Variants in SSUH2 observed in about 807,000 individuals in gnomAD.
The protein encoded by SSUH2 is protein SSUH2 homolog.
Under a neutral mutation model 55.3 loss-of-function variants are expected in SSUH2, and 47 were observed. The observed-to-expected ratio is 0.85, with a 90% CI of 0.67 to 1.08. The LOEUF is 1.08. Among genes scored for constraint, SSUH2 ranks in the 50% least tolerant of loss-of-function variants. The pLI is 0.00. For missense variants in SSUH2, 535 were observed against 490.7 expected, an observed-to-expected ratio of 1.09 and a Z score of -0.85; for synonymous variants, 212 against 191.5, an observed-to-expected ratio of 1.11 and a Z score of -0.89.
chr3:8,624,291 G>A (rs1331186909), intron 10 of SSUH2, among the ~76,000 whole-genome samples: 1 of 152,214 alleles, frequency 6.6e-6, no homozygotes, highest in Non-Finnish European at 1.5e-5. Flanking sequence ...CCTGGGCCCA[G>A]TGCTGCTGTG....
At chr3:8,670,566 TA>T (rs1704453225) in intron 5 of SSUH2, among the ~76,000 whole-genome samples, 1 of 151,836 alleles carries the variant, frequency 6.6e-6, no homozygotes, top group Non-Finnish European at 1.5e-5. Flanking sequence ...CCGGTGACAA[TA>T]AAAATAACAT....
At chr3:8,626,963 C>T (rs924347745) in intron 8 of SSUH2, 15 of 152,162 alleles carry the variant, frequency 9.9e-5, no homozygotes, top group Admixed American at 3.3e-4. Flanking sequence ...GAATTGGATT[C>T]CTTTCACTTG....
At chr3:8,640,621 A>C (rs1262780638) in intron 1 of SSUH2, among the ~76,000 whole-genome samples, 2 of 152,202 alleles carry the variant, frequency 1.3e-5, no homozygotes, top group Non-Finnish European at 2.9e-5. Context: ...AAGAACACAG[A>C]GAAAAAAGGA....
chr3:8,656,863 G>C (rs1439267501), intron 7 of SSUH2, among the ~76,000 whole-genome samples: 1 of 38,480 alleles, frequency 2.6e-5, no homozygotes, highest in Non-Finnish European at 5.4e-5. Context: ...TCATTTTTTG[G>C]TTTGTTTGTT....
At chr3:8,620,121 T>A in intron 11 of SSUH2, 107 bp from the exon 12 acceptor site, 1 of 1,264,350 alleles carries the variant, frequency 7.9e-7, no homozygotes, top group Non-Finnish European at 1.1e-6. Context: ...AAGGTCCTGC[T>A]CTGGAGTTGG....
chr3:8,632,005 A>G (rs755130482), intron 5 of SSUH2, 44 bp downstream of exon 5: 1 of 1,505,822 alleles, frequency 6.6e-7, no homozygotes. Flanking sequence ...CAGCACCCTG[A>G]CTTATTTGCC....
At chr3:8,664,223 G>A (rs1230409619) in intron 5 of SSUH2, among the ~76,000 whole-genome samples, 1 of 152,176 alleles carries the variant, frequency 6.6e-6, no homozygotes, top group Admixed American at 6.5e-5. Context: ...AGGATACAGG[G>A]GATGTTACAT....
At chr3:8,646,721 T>C (rs1559458039), upstream of SSUH2, among the ~76,000 whole-genome samples, 1 of 152,176 alleles carries the variant, frequency 6.6e-6, no homozygotes, top group Non-Finnish European at 1.5e-5. Flanking sequence ...CTAACATCCG[T>C]GGTAGCAGCA....
At chr3:8,629,270 G>A in intron 7 of SSUH2, 1 of 209,196 alleles carries the variant, frequency 4.8e-6, no homozygotes, top group Middle Eastern at 1.8e-3. Context: ...AACTTTACCT[G>A]CTCAGCACCC....
Position 8,678,893 on chromosome 3 carries a change from G to C in SSUH2, c.-901+812C>G, listed in dbSNP as rs559787698. On this transcript the variant is annotated intron_variant, in intron 2 of 18. Transcript: ENST00000317371. ...GGCTCTTAGGATCCCCATTGCAAGG[G>C]AGGGAGGCACCCCCCGCCAGGCGGG... 2.0e-3 allele frequency among the ~76,000 whole-genome samples: 231 copies of C among 116,602 alleles called. 70 individuals are homozygous for C. Among genetic ancestry groups the C allele is most frequent in the Middle Eastern group, 5.9e-3 (1 of 170 alleles). 76.5% of individuals were successfully genotyped at this position (116,602 alleles called of 152,430 possible).
intron 3 of SSUH2, among the ~76,000 whole-genome samples, chr3:8,676,105 G>A (rs562500577): frequency 1.3e-5 from 2 of 151,636 alleles, no homozygotes; most frequent in Admixed American, 6.6e-5. Context: ...CCTCTTCCCC[G>A]CCTGGCTCTT....
At chr3:8,630,664 G>A (rs967680573) in intron 6 of SSUH2, 141 bp downstream of exon 6, 38 of 766,722 alleles carry the variant, frequency 5.0e-5, no homozygotes, top group South Asian at 1.3e-4. Context: ...ATTAAATTAC[G>A]TTTATTTATA....
chr3:8,626,254 G>A lies in SSUH2; in HGVS notation c.742C>T (p.His248Tyr), dbSNP rs769604850. ...CACATGATGACAAGCTGGATGAAGT[G>A]CAACAGCTTCTTCTCCCCCTTGCAG... The part of the protein sequence containing the change: ...ATCKGEKKLL[H>Y]FIQLVIMWKN... The change falls in exon 9 of 12, where the codon CAC becomes TAC. Residue 248 changes from histidine to tyrosine, a missense_variant. Transcript: ENST00000544814. 1.2e-5 allele frequency: 20 copies of A among 1,613,918 alleles called. 1 individual carries two copies. The Admixed American group carries it at 1.7e-4, about 13-fold the overall frequency.
At position 8,642,556 on chromosome 3, in the gene SSUH2, C is replaced by A. The variant is rs141064569; in HGVS notation, c.28+2175G>T. Among the ~76,000 whole-genome samples the A allele has an allele frequency of 1.6e-3, 249 of 152,348 alleles. 7 individuals carry two copies. The South Asian group carries it at 0.023, about 14-fold the overall frequency. ...CCCTGGTCAGGGATGCTGTAGACAG[C>A]CAGCACCTGAAGGTGATGGTCAAAG... is the stretch of plus-strand genomic sequence containing the variant. On this transcript the variant is annotated intron_variant, in intron 1 of 11. Coordinates refer to ENST00000544814, the MANE Select transcript of SSUH2 (RefSeq NM_001256748.3).
chr3:8,647,081 C>A (rs1045383652), upstream of SSUH2, among the ~76,000 whole-genome samples: 21 of 152,316 alleles, frequency 1.4e-4, no homozygotes, highest in African/African-American at 4.8e-4. Context: ...TGGGATATGT[C>A]ATGGCTGCAG....
At chr3:8,647,880 G>T (rs1354842506), upstream of SSUH2, among the ~76,000 whole-genome samples, 1 of 152,204 alleles carries the variant, frequency 6.6e-6, no homozygotes, top group African/African-American at 2.4e-5. Flanking sequence ...GGAGACCAGT[G>T]GTGCCCATGG....
At position 8,679,045 on chromosome 3, in the gene SSUH2, A is replaced by ATTG. The variant is rs1705716091; in HGVS notation, c.-901+659_-901+660insCAA. On this transcript the variant is annotated intron_variant, in intron 2 of 18. Transcript: ENST00000317371. ...CCCCCCCTGGCTCTTAGGACACCAA[A>ATTG]CGCAGGGGAGGAAGCACCCCCCGCG... 3.7e-5 allele frequency among the ~76,000 whole-genome samples: 3 copies of ATTG among 81,940 alleles called. 1 individual carries two copies. The highest frequency in any genetic ancestry group is 1.0e-3 in the South Asian group (2 of 1,984). 53.8% of individuals were successfully genotyped at this position (81,940 alleles called of 152,430 possible).
intron 3 of SSUH2, chr3:8,634,343 C>T (rs1174459753): frequency 7.9e-7 from 1 of 1,268,714 alleles, no homozygotes; most frequent in Admixed American, 2.3e-5. Context: ...CCTCTTTCTG[C>T]ATGCCTCCCC....
intron 9 of SSUH2, 54 bp from the exon 10 acceptor site, chr3:8,625,701 A>G: frequency 2.3e-6 from 3 of 1,303,154 alleles, no homozygotes; most frequent in Non-Finnish European, 3.3e-6. Flanking sequence ...GGTTAAAAGC[A>G]TGGCCTTTGC....
Sources: allele counts gnomAD v4.1 joint callset (sites outside exome capture counted in the v4.1 genomes callset), GRCh38; gene constraint gnomAD v4.1.1; transcripts MANE v1.5; gene names NCBI Gene and HGNC (gene_info 2026-07-23, HGNC 2026-07-21).